Variants in CFAP92 observed in about 807,000 individuals in gnomAD.
CFAP92 encodes uncharacterized protein CFAP92.
CFAP92 carries 86 observed loss-of-function variants against 106.3 expected under a neutral mutation model. The ratio of observed to expected loss-of-function variants is 0.81; its 90% confidence interval spans 0.68 to 0.97. CFAP92 has a LOEUF of 0.97. Ranked by LOEUF, CFAP92 falls within the 50% of genes least tolerant of loss-of-function variation. The probability of loss-of-function intolerance (pLI) is 0.00; values close to 1 mark genes in which losing one functional copy is unlikely to be tolerated. For missense variants in CFAP92, 1,204 were observed against 1,283.8 expected, an observed-to-expected ratio of 0.94 and a Z score of 0.95; for synonymous variants, 477 against 506.4, an observed-to-expected ratio of 0.94 and a Z score of 0.78.
At chr3:128,950,667 C>T (rs987511073) in intron 9 of CFAP92, among the ~76,000 whole-genome samples, 1 of 152,208 alleles carries the variant, frequency 6.6e-6, no homozygotes, top group Non-Finnish European at 1.5e-5. Context: ...CTGAAGTCCT[C>T]TCCCAGGGGA....
At chr3:128,966,998 G>A (rs1171219258) in intron 8 of CFAP92, 4 of 152,164 alleles carry the variant, frequency 2.6e-5, no homozygotes, top group African/African-American at 9.6e-5. Flanking sequence ...ACCTGGGTTT[G>A]AATCCCAGAT....
intron 9 of CFAP92, among the ~76,000 whole-genome samples, chr3:128,961,483 C>T (rs1941916143): frequency 1.0e-5 from 1 of 97,632 alleles, no homozygotes; most frequent in African/African-American, 7.0e-5. Flanking sequence ...CCTCCTCACA[C>T]CTGGTCCTGC....
intron 7 of CFAP92, 99 bp downstream of exon 7, chr3:128,975,680 T>C (rs143820969): frequency 6.7e-6 from 7 of 1,041,774 alleles, no homozygotes; most frequent in Non-Finnish European, 9.5e-6. Context: ...TTTTGTCAAA[T>C]ATGCAAGAAT....
intron 10 of CFAP92, among the ~76,000 whole-genome samples, chr3:128,944,226 C>T (rs1449099943): frequency 6.6e-6 from 1 of 151,906 alleles, no homozygotes; most frequent in Non-Finnish European, 1.5e-5. Context: ...AGCTACTGCA[C>T]CTGGCCTGTT....
At chr3:128,937,838 G>C (rs62265298) in intron 10 of CFAP92, among the ~76,000 whole-genome samples, 7,325 of 152,040 alleles carry the variant, frequency 0.048, 361 homozygotes, top group African/African-American at 0.12. Flanking sequence ...AGAGGCAGGT[G>C]GATCACCTGA....
chr3:128,910,633 T>C, intron 15 of CFAP92: 3 of 1,221,564 alleles, frequency 2.5e-6, no homozygotes, highest in Non-Finnish European at 3.6e-6. Context: ...TGCCAGGCCT[T>C]GTGACCCCTG....
At chr3:128,999,772 A>AC (rs1307892685) in intron 1 of CFAP92, among the ~76,000 whole-genome samples, 1 of 151,664 alleles carries the variant, frequency 6.6e-6, no homozygotes, top group Non-Finnish European at 1.5e-5. Flanking sequence ...CGAACTCTTG[A>AC]CCTCAGGCAA....
chr3:129,002,093 C>T lies in CFAP92; in HGVS notation n.117+481G>A, dbSNP rs574355302. ...CGCGCCTCTGTGGCTACTTCGGCAC[C>T]CGTGCGGGGCCCCGGCTGCCCCGCG... On this transcript the variant is annotated intron_variant and non_coding_transcript_variant, in intron 1 of 4. Transcript: ENST00000510149. The T allele has an allele frequency of 3.3e-5, 50 of 1,511,084 alleles. 1 individual carries two copies. In the South Asian group the frequency reaches 5.6e-4, roughly 17 times the overall value. 93.6% of individuals were successfully genotyped at this position (1,511,084 alleles called of 1,614,324 possible).
At chr3:129,015,420 G>A in the CFAP92 span, among the ~76,000 whole-genome samples, 2 of 149,862 alleles carry the variant, frequency 1.3e-5, no homozygotes, top group East Asian at 3.9e-4. Flanking sequence ...CTGCTCCTTC[G>A]GGGGGGGAGG....
rs1212147483 is a variant in CFAP92 at position 128,912,822 on chromosome 3, C to T, written c.3280+2297G>A. 3.0e-5 allele frequency: 21 copies of T among 708,460 alleles called. 1 individual carries two copies. Among genetic ancestry groups the T allele is most frequent in the South Asian group, 2.6e-4 (19 of 73,216 alleles). The allele number at this position is 708,460 out of a possible 1,614,324, so 43.9% of individuals were successfully genotyped here. ...TAACAGGACCATCACAGCTTCTGAA[C>T]TGAGCCGGAGAGAGAGAATGGAATT... On this transcript the variant is annotated intron_variant, in intron 15 of 15. Coordinates refer to ENST00000645291, the MANE Select transcript of CFAP92 (RefSeq NM_001394090.1).
At chr3:128,927,903 T>C (rs1236215479) in intron 12 of CFAP92, among the ~76,000 whole-genome samples, 4 of 152,116 alleles carry the variant, frequency 2.6e-5, no homozygotes, top group Non-Finnish European at 5.9e-5. Context: ...TGTTCATAAA[T>C]TGGCAACCCC....
chr3:128,911,246 C>G (rs1294620288), intron 15 of CFAP92, among the ~76,000 whole-genome samples: 4 of 152,010 alleles, frequency 2.6e-5, no homozygotes. Flanking sequence ...TTAGTAGAAA[C>G]AGGGTTTCAC....
At chr3:128,960,811 C>G (rs1376729257) in intron 9 of CFAP92, among the ~76,000 whole-genome samples, 4 of 152,002 alleles carry the variant, frequency 2.6e-5, no homozygotes, top group Non-Finnish European at 4.4e-5. Flanking sequence ...TCAACCCCTT[C>G]TCCTTCACCC....
chr3:128,914,817 A>C (rs1449037113), intron 15 of CFAP92: 1 of 341,782 alleles, frequency 2.9e-6, no homozygotes, highest in Non-Finnish European at 5.5e-6. Flanking sequence ...GTTGAAGCTC[A>C]GGAAGCCTTT....
At chr3:128,925,286 G>A (rs1937574127) in intron 12 of CFAP92, among the ~76,000 whole-genome samples, 1 of 152,160 alleles carries the variant, frequency 6.6e-6, no homozygotes, top group Non-Finnish European at 1.5e-5. Context: ...ACCCTTGCAT[G>A]TTCAGTTCAC....
At position 128,945,702 on chromosome 3, in the gene CFAP92, T is replaced by C. The variant is rs1416275047; in HGVS notation, c.1627A>G (p.Ile543Val). ...TTGTTCTCTGTCTCTCTGGGAGAGA[T>C]GAGGGCCTGGAAGTTGAGGTATGAA... ...LDSYLNFQAL[I>V]SPRETENNPF... Residue 543 changes from isoleucine to valine, a missense_variant, in exon 10 of 16, where the codon ATC (isoleucine) becomes GTC (valine). Physicochemically the swap from Ile to Val is conservative, Grantham distance 29. Coordinates refer to ENST00000645291, the MANE Select transcript of CFAP92 (RefSeq NM_001394090.1). The C allele has an allele frequency of 6.5e-7, 1 of 1,536,094 alleles. No individual in the cohort carries two copies. Among genetic ancestry groups the C allele is most frequent in the Non-Finnish European group, 8.7e-7 (1 of 1,146,902 alleles).
intron 12 of CFAP92, among the ~76,000 whole-genome samples, chr3:128,918,477 A>G (rs759208111): frequency 6.6e-6 from 1 of 152,170 alleles, no homozygotes; most frequent in African/African-American, 2.4e-5. Flanking sequence ...CGTCTCAAAA[A>G]AACAAAACAA....
the CFAP92 span, among the ~76,000 whole-genome samples, chr3:129,008,814 G>GT: frequency 6.6e-6 from 1 of 152,150 alleles, no homozygotes; most frequent in Non-Finnish European, 1.5e-5. Context: ...GCCTGCTGAG[G>GT]TGCACAGTCC....
intron 12 of CFAP92, among the ~76,000 whole-genome samples, chr3:128,932,012 C>T (rs748769019): frequency 1.3e-5 from 2 of 152,040 alleles, no homozygotes; most frequent in Non-Finnish European, 2.9e-5. Flanking sequence ...AGTGAGACCC[C>T]GATTCAAAAA....
Sources: gnomAD v4.1 joint callset for allele counts (sites outside exome capture counted in the v4.1 genomes callset) on GRCh38, gnomAD v4.1.1 for gene constraint, MANE v1.5 for transcripts, NCBI Gene and HGNC (gene_info 2026-07-23, HGNC 2026-07-21) for gene names.